Variants in SNTG1 observed in about 807,000 individuals in gnomAD.
SNTG1 encodes the protein syntrophin gamma 1.
In SNTG1, 39 loss-of-function variants were observed where a neutral mutation model predicts 74.7. The observed-to-expected ratio is 0.52, with a 90% CI of 0.40 to 0.68. SNTG1 has a LOEUF of 0.68. SNTG1 is among the 30% of genes least tolerant of loss of function. The pLI, the probability that SNTG1 is intolerant of heterozygous loss-of-function variation, is 0.00. For synonymous variants in SNTG1, 254 were observed against 217.1 expected, an observed-to-expected ratio of 1.17 and a Z score of -1.49; for missense variants, 685 against 609.5, an observed-to-expected ratio of 1.12 and a Z score of -1.30.
chr8:50,565,929 A>G (rs764605912), intron 12 of SNTG1, among the ~76,000 whole-genome samples: 105 of 152,110 alleles, frequency 6.9e-4, no homozygotes, highest in Admixed American at 1.8e-3. Flanking sequence ...CCTATTCAGG[A>G]AAAAAAGTAA....
At position 50,113,011 on chromosome 8, in the gene SNTG1, T is replaced by G. The variant is rs534242147; in HGVS notation, c.-102-59550T>G. Among the ~76,000 whole-genome samples, 28 of 152,298 alleles carry G rather than the reference T, an allele frequency of 1.8e-4. No individual in the cohort carries two copies. In the East Asian group the frequency reaches 4.6e-3, roughly 25 times the overall value. On this transcript the variant is annotated intron_variant, in intron 1 of 18. Transcript: ENST00000642720. ...GTTACTGTAGCCCTGTAGTATAGTT[T>G]GAAGTCAGGTAGCATGATGCCTCCA...
chr8:50,742,108 G>T (rs962090905), intron 17 of SNTG1, among the ~76,000 whole-genome samples: 7 of 151,794 alleles, frequency 4.6e-5, no homozygotes, highest in Non-Finnish European at 1.5e-5. Flanking sequence ...ACATGAAACT[G>T]CTCTCAAAAA....
At chr8:50,199,139 G>A (rs2083888074) in intron 2 of SNTG1, among the ~76,000 whole-genome samples, 1 of 148,474 alleles carries the variant, frequency 6.7e-6, no homozygotes, top group South Asian at 2.1e-4. Context: ...TCTTTGCAGT[G>A]TTTTTTTTTA....
chr8:50,068,181 C>T (rs1264980886), intron 1 of SNTG1, among the ~76,000 whole-genome samples: 4 of 152,194 alleles, frequency 2.6e-5, no homozygotes, highest in South Asian at 2.1e-4. Context: ...CATCTTCTCA[C>T]ATTGCAGGTT....
intron 1 of SNTG1, chr8:50,164,092 C>CTTTTTTTTTTTTTTTTTTTTTTTTT (rs3086088): frequency 2.8e-5 from 2 of 71,984 alleles, no homozygotes; most frequent in Non-Finnish European, 5.5e-5. Flanking sequence ...GACACAATTT[C>CTTTTTTTTTTTTTTTTTTTTTTTTT]TTTTTTTTTT....
chr8:50,568,057 C>T (rs2094525880), intron 12 of SNTG1, among the ~76,000 whole-genome samples: 1 of 152,090 alleles, frequency 6.6e-6, no homozygotes, highest in Admixed American at 6.6e-5. Context: ...CTCTCTACTT[C>T]TGTGAAAACA....
intron 2 of SNTG1, among the ~76,000 whole-genome samples, chr8:50,319,686 A>G (rs1218134679): frequency 6.6e-6 from 1 of 152,190 alleles, no homozygotes; most frequent in Non-Finnish European, 1.5e-5. Context: ...TTCCCCATTC[A>G]GTATGATACC....
At position 50,448,097 on chromosome 8, in the gene SNTG1, C is replaced by A. The variant is rs183324894; in HGVS notation, c.220-1571C>A. The stretch of plus-strand genomic sequence containing the variant: ...TCTGTGTTTGTTAGGGACACACAGA[C>A]CAAAAAGCAGAACAAGTGGGAGCCA... On this transcript the variant is annotated intron_variant, in intron 5 of 18. Transcript: ENST00000642720. Among the ~76,000 whole-genome samples, 1,045 of 152,216 alleles carry A rather than the reference C, an allele frequency of 6.9e-3. 34 individuals carry two copies. The highest frequency in any genetic ancestry group is 0.061 in the Admixed American group (931 of 15,290).
intron 2 of SNTG1, among the ~76,000 whole-genome samples, chr8:50,298,559 T>C (rs559352949): frequency 6.6e-6 from 1 of 152,322 alleles, no homozygotes; most frequent in East Asian, 1.9e-4. Context: ...GATGCACTTA[T>C]TATTTACTTT....
At chr8:50,422,718 A>C (rs2093109044) in intron 4 of SNTG1, among the ~76,000 whole-genome samples, 1 of 152,096 alleles carries the variant, frequency 6.6e-6, no homozygotes, top group South Asian at 2.1e-4. Context: ...CAGGTGTTAG[A>C]CATGCAGAAA....
intron 4 of SNTG1, among the ~76,000 whole-genome samples, chr8:50,407,578 G>A (rs79012638): frequency 0.044 from 6,764 of 152,252 alleles, 207 homozygotes; most frequent in Middle Eastern, 0.071. Context: ...GCTGCTTCTA[G>A]GATTGTCTTT....
At chr8:50,491,694 CTTA>C (rs1426980791) in intron 8 of SNTG1, among the ~76,000 whole-genome samples, 6 of 150,512 alleles carry the variant, frequency 4.0e-5, no homozygotes, top group South Asian at 2.1e-4. Context: ...TGATCCAGAA[CTTA>C]TTTATTTATT....
At chr8:50,350,195 C>G (rs2130994343) in intron 2 of SNTG1, among the ~76,000 whole-genome samples, 1 of 152,234 alleles carries the variant, frequency 6.6e-6, no homozygotes, top group East Asian at 1.9e-4. Context: ...CCTGAGCCTC[C>G]CTGCCCCCAC....
intron 9 of SNTG1, among the ~76,000 whole-genome samples, chr8:50,522,565 T>C (rs1158356006): frequency 6.7e-6 from 1 of 149,908 alleles, no homozygotes; most frequent in African/African-American, 2.5e-5. Context: ...AAGGCAGACA[T>C]TGACTTCCTT....
At chr8:50,396,697 A>T (rs1437082930) in intron 3 of SNTG1, among the ~76,000 whole-genome samples, 2 of 152,218 alleles carry the variant, frequency 1.3e-5, no homozygotes, top group East Asian at 1.9e-4. Flanking sequence ...TATTGTGAGT[A>T]TATTTCAAAA....
intron 8 of SNTG1, among the ~76,000 whole-genome samples, chr8:50,488,147 G>C (rs1395492375): frequency 6.6e-6 from 1 of 152,070 alleles, no homozygotes; most frequent in Admixed American, 6.5e-5. Context: ...TGTGCAGCTG[G>C]GCTCTATAGA....
chr8:50,463,093 G>T (rs898427220), intron 8 of SNTG1, among the ~76,000 whole-genome samples: 8 of 152,070 alleles, frequency 5.3e-5, no homozygotes, highest in African/African-American at 1.9e-4. Context: ...GGGATTATAG[G>T]CGTAAGCCAC....
At position 50,051,922 on chromosome 8, in the gene SNTG1, G is replaced by T. The variant is rs116892248; in HGVS notation, c.-102-120639G>T. ...GATACTTTTGAACAAAATTAAAGAT[G>T]ATCTAAATTTTTAAAAATATTTCAT... On this transcript the variant is annotated intron_variant, in intron 1 of 18. Coordinates refer to ENST00000642720, the MANE Select transcript of SNTG1 (RefSeq NM_018967.5). Among the ~76,000 whole-genome samples the T allele has an allele frequency of 1.0e-3, 158 of 152,130 alleles. 5 individuals carry two copies. In the East Asian group the frequency reaches 0.021, roughly 20 times the overall value.
intron 18 of SNTG1, among the ~76,000 whole-genome samples, chr8:50,779,858 T>C: frequency 6.6e-6 from 1 of 152,118 alleles, no homozygotes; most frequent in Non-Finnish European, 1.5e-5. Flanking sequence ...ATAGCTCTTA[T>C]TATTTTGAGA....
Sources: allele counts gnomAD v4.1 joint callset (sites outside exome capture counted in the v4.1 genomes callset), GRCh38; gene constraint gnomAD v4.1.1; transcripts MANE v1.5; gene names NCBI Gene and HGNC (gene_info 2026-07-23, HGNC 2026-07-21).